The following TAF5 variants were observed in gnomAD, a reference collection of about 807,000 sequenced individuals.
The protein encoded by TAF5 is transcription initiation factor TFIID subunit 5.
A neutral mutation model predicts 80.9 loss-of-function variants in TAF5; 20 were observed. The observed-to-expected ratio is 0.25, with a 90% CI of 0.17 to 0.36. TAF5 has a LOEUF of 0.36. TAF5 is among the 10% of genes least tolerant of loss of function. The probability of loss-of-function intolerance (pLI) is 1.00; values close to 1 mark genes in which losing one functional copy is unlikely to be tolerated. For missense variants in TAF5, 863 were observed against 1,029.4 expected (o/e 0.84, Z 2.21); for synonymous variants, 388 against 406.4 (o/e 0.95, Z 0.55).
rs377369658 is a variant in TAF5, at chr10:103,379,972, G to T, written c.1366G>T (p.Asp456Tyr). Residue 456 changes from aspartate (D) to tyrosine (Y), a missense_variant, in exon 5 of 11, where the codon GAC (aspartate) becomes TAC (tyrosine). Physicochemically the swap from Asp to Tyr is radical, Grantham distance 160. Around this residue, in one of 3 missense-constraint regions of TAF5, gnomAD observed 368 missense variants for 461.7 expected, o/e 0.80. Transcript: ENST00000369839. The part of the protein sequence containing the change: ...ETTKRVRLGP[D>Y]CLPSICFYTF... ...CACCAAACGAGTGCGCCTTGGGCCG[G>T]ACTGCTTACCCTCCATTTGTTTCTA... 2 of 1,613,894 alleles carry T rather than the reference G, an allele frequency of 1.2e-6. No homozygotes were observed. Among genetic ancestry groups the T allele is most frequent in the Non-Finnish European group, 1.7e-6 (2 of 1,180,002 alleles).
At chr10:103,380,113 G>T in intron 5 of TAF5, 94 bp downstream of exon 5, 3 of 1,337,392 alleles carry the variant, frequency 2.2e-6, no homozygotes, top group Non-Finnish European at 3.0e-6. Context: ...CTAAAATGGA[G>T]TTTCGTTATT....
chr10:103,369,530 TA>T (rs922555504), intron 1 of TAF5, among the ~76,000 whole-genome samples: 1 of 151,960 alleles, frequency 6.6e-6, no homozygotes, highest in African/African-American at 2.4e-5. Context: ...GGCTAATTTT[TA>T]AAAATATATT....
chr10:103,380,131 C>CA, intron 5 of TAF5, 112 bp downstream of exon 5: 1 of 990,338 alleles, frequency 1.0e-6, no homozygotes, highest in Non-Finnish European at 1.4e-6. Context: ...ATTTAAACTC[C>CA]TTTTTTTTTT....
In TAF5 at chr10:103,368,283, G is replaced by A. The variant is rs1480766331; in HGVS notation, c.294G>A (p.Leu98=). Residue 98 remains leucine (L), a synonymous_variant, in exon 1 of 11, where the codon CTG becomes CTA. Coordinates refer to ENST00000369839, the MANE Select transcript of TAF5 (RefSeq NM_006951.5). ...AGAPHDRQTL[L]AVLQFLRQSK... is the part of the protein sequence containing the mutation. The stretch of plus-strand genomic sequence containing the variant: ...CTCCGCATGACCGACAGACTCTACT[G>A]GCCGTGCTGCAGTTCCTACGGCAGA... 2 of 1,578,198 alleles carry A rather than the reference G, an allele frequency of 1.3e-6. No homozygotes were observed. The highest frequency in any genetic ancestry group is 1.8e-5 in the Admixed American group (1 of 57,018).
rs773427042 is a variant in TAF5, at chr10:103,368,481, G to A, written c.492G>A (p.Pro164=). Residue 164 remains proline (P), a synonymous_variant, in exon 1 of 11, where the codon CCG becomes CCA. Coordinates refer to ENST00000369839, the MANE Select transcript of TAF5 (RefSeq NM_006951.5). ...SAPGPAAPDP[P]GTGASGATVV... Reference sequence around the variant, plus strand: ...CTGGCCCTGCGGCCCCCGACCCTCCGGGCACTGGCGCTTCGGGGGCCACGG... The same window carrying A: ...CTGGCCCTGCGGCCCCCGACCCTCCAGGCACTGGCGCTTCGGGGGCCACGG... 6.4e-6 allele frequency: 10 copies of A among 1,571,296 alleles called. No individual in the cohort carries two copies. In the African/African-American group the frequency reaches 8.2e-5, roughly 13 times the overall value.
chr10:103,387,808 A>C (rs2093400873), intron 10 of TAF5, 110 bp downstream of exon 10: 1 of 1,213,190 alleles, frequency 8.2e-7, no homozygotes, highest in Middle Eastern at 2.3e-4. Context: ...TTTAGCTATG[A>C]TTCCAGAGTG....
intron 1 of TAF5, among the ~76,000 whole-genome samples, chr10:103,371,055 A>G (rs4918012): frequency 0.4 from 60,899 of 151,914 alleles, 13,080 homozygotes; most frequent in South Asian, 0.64. Flanking sequence ...AGCTTGGCCA[A>G]CATGGTGAAA....
intron 8 of TAF5, among the ~76,000 whole-genome samples, 200 bp from the exon 9 acceptor site, chr10:103,386,975 A>T (rs944477781): frequency 5.1e-5 from 4 of 77,702 alleles, no homozygotes; most frequent in Non-Finnish European, 1.4e-4. Context: ...ACCTCAGCTT[A>T]AAAAAAAAAA....
intron 1 of TAF5, among the ~76,000 whole-genome samples, chr10:103,369,002 G>A (rs2093352669): frequency 6.8e-6 from 1 of 146,540 alleles, no homozygotes; most frequent in African/African-American, 2.5e-5. Flanking sequence ...TTTTTGAGAC[G>A]GAAACTTGCT....
In TAF5 at chr10:103,386,259, C is replaced by T. The variant is rs148413163; in HGVS notation, c.1829+769C>T. On this transcript the variant is annotated intron_variant, in intron 8 of 10. Transcript: ENST00000369839. ...TTCCAGACCAGCCTGGCCAACATGACGAAACCCCGTCTCTACTGAAAAAAA... is the reference window on the plus strand; with the variant it reads ...TTCCAGACCAGCCTGGCCAACATGATGAAACCCCGTCTCTACTGAAAAAAA... Among the ~76,000 whole-genome samples, 61 of 151,518 alleles carry T rather than the reference C, an allele frequency of 4.0e-4. 1 individual carries two copies. In the East Asian group the frequency reaches 0.011, roughly 28 times the overall value.
At chr10:103,383,577 CTTTT>C (rs147178642) in intron 7 of TAF5, among the ~76,000 whole-genome samples, 1 of 129,178 alleles carries the variant, frequency 7.7e-6, no homozygotes, top group Non-Finnish European at 1.6e-5. Flanking sequence ...TGTATACTCA[CTTTT>C]TTTTTTTTTT....
chr10:103,379,241 T>C (rs373922153), intron 3 of TAF5, among the ~76,000 whole-genome samples: 1 of 152,328 alleles, frequency 6.6e-6, no homozygotes. Context: ...AGTTTCAGCA[T>C]TGCAGCTCCG....
chr10:103,373,309 C>T, intron 1 of TAF5, 49 bp from the exon 2 acceptor site: 1 of 1,501,094 alleles, frequency 6.7e-7, no homozygotes, highest in East Asian at 2.3e-5. Context: ...GCCATAGTCA[C>T]ATGGTCATAA....
rs1015676910 is a variant in TAF5, at chr10:103,374,478, A to G, written c.797+883A>G. On this transcript the variant is annotated intron_variant, in intron 2 of 10. Coordinates refer to ENST00000369839, the MANE Select transcript of TAF5 (RefSeq NM_006951.5). This position sits in a 1 kb window ranked among gnomAD's most constrained non-coding sequence, Gnocchi z 4.3. ...CAGGTAGGGCACACGGAAACTGCAC[A>G]CACTTCTTCCTTTTATATCTTAACA... 4.6e-5 allele frequency among the ~76,000 whole-genome samples: 7 copies of G among 152,208 alleles called. No homozygotes were observed. The highest frequency in any genetic ancestry group is 1.0e-4 in the Non-Finnish European group (7 of 68,040).
In TAF5 at chr10:103,388,089, G is replaced by A. The variant is rs2093401960; in HGVS notation, c.2269G>A (p.Gly757Arg). Residue 757 changes from glycine to arginine, a missense_variant, in exon 11 of 11, where the codon GGG becomes AGG. This residue lies in a region of TAF5 where 368 missense variants were observed against 461.7 expected (regional missense o/e 0.80). Transcript: ENST00000369839. ...LETDDFTTAT[G>R]HINLPENSQE... ...GACCGATGACTTTACTACAGCCACT[G>A]GGCATATAAATTTACCTGAGAATTC... 6 of 1,613,932 alleles carry A rather than the reference G, an allele frequency of 3.7e-6. No individual in the cohort carries two copies. Among genetic ancestry groups the A allele is most frequent in the Non-Finnish European group, 5.1e-6 (6 of 1,179,966 alleles).
In TAF5 at chr10:103,374,097, G is replaced by A. The variant is rs1190292635; in HGVS notation, c.797+502G>A. Among the ~76,000 whole-genome samples, 2 of 152,116 alleles carry A rather than the reference G, an allele frequency of 1.3e-5. No individual in the cohort carries two copies. Among genetic ancestry groups the A allele is most frequent in the East Asian group, 3.8e-4 (2 of 5,202 alleles). Reference sequence around the variant, plus strand: ...AGGGTCTTTGTTTATCCTAAGAGCAGTAGGGAGTTGTATTGGATAGGATTA... The same window carrying A: ...AGGGTCTTTGTTTATCCTAAGAGCAATAGGGAGTTGTATTGGATAGGATTA... On this transcript the variant is annotated intron_variant, in intron 2 of 10. Coordinates refer to ENST00000369839, the MANE Select transcript of TAF5 (RefSeq NM_006951.5). This position sits in a 1 kb window ranked among gnomAD's most constrained non-coding sequence, Gnocchi z 4.3.
intron 1 of TAF5, among the ~76,000 whole-genome samples, chr10:103,370,469 G>T (rs2093356946): frequency 6.6e-6 from 1 of 151,122 alleles, no homozygotes; most frequent in South Asian, 2.1e-4. Context: ...GGGACCACAG[G>T]CACGTGCCAC....
intron 8 of TAF5, 88 bp from the exon 9 acceptor site, chr10:103,387,087 A>T: frequency 7.6e-7 from 1 of 1,319,684 alleles, no homozygotes; most frequent in Non-Finnish European, 1.0e-6. Context: ...TTTTATGTGG[A>T]TGTTTCTGTA....
At chr10:103,379,031 G>T (rs1014229550) in intron 3 of TAF5, among the ~76,000 whole-genome samples, 1 of 152,144 alleles carries the variant, frequency 6.6e-6, no homozygotes. Flanking sequence ...GACAATTTGG[G>T]TATGGTTGCA....
Sources: gnomAD v4.1 joint callset for allele counts (sites outside exome capture counted in the v4.1 genomes callset) on GRCh38, gnomAD v4.1.1 for gene constraint, gnomAD v4.1.1 regional missense constraint, Gnocchi (gnomAD v3.1) non-coding constraint, MANE v1.5 for transcripts, NCBI Gene and HGNC (gene_info 2026-07-23, HGNC 2026-07-21) for gene names.